Variants in MID2 observed in about 807,000 individuals in gnomAD.
MID2 encodes probable E3 ubiquitin-protein ligase MID2.
Under a neutral mutation model 46.1 loss-of-function variants are expected in MID2, and 13 were observed. The ratio of observed to expected loss-of-function variants is 0.28; its 90% CI spans 0.18 to 0.45. The LOEUF is 0.45. MID2 is among the 20% of genes least tolerant of loss of function. The pLI, the probability that MID2 is intolerant of heterozygous loss-of-function variation, is 1.00. For missense variants in MID2, 431 were observed against 575.4 expected (o/e 0.75, Z 2.57); for synonymous variants, 199 against 212.3 (o/e 0.94, Z 0.55).
rs146040185 is a variant in MID2, at chrX:107,864,714, A to G, written c.816+10010A>G. Among the ~76,000 whole-genome samples the G allele has an allele frequency of 4.4e-3, 494 of 112,191 alleles. 3 individuals carry two copies. The highest frequency in any genetic ancestry group is 0.015 in the African/African-American group (465 of 30,900). ...TATAAATAACAAATATAATACCACA[A>G]TGACTGCAAATATATAGATTTCCTC... On this transcript the variant is annotated intron_variant, in intron 3 of 9. Coordinates refer to ENST00000262843, the MANE Select transcript of MID2 (RefSeq NM_012216.4).
intron 1 of MID2, among the ~76,000 whole-genome samples, chrX:107,837,337 A>G (rs1182354978): frequency 9.0e-6 from 1 of 111,527 alleles, no homozygotes; most frequent in Non-Finnish European, 1.9e-5. Context: ...CATGTGACCA[A>G]CCCAGGTAGC....
At chrX:107,922,386 G>A (rs1055437865) in intron 7 of MID2, among the ~76,000 whole-genome samples, 4 of 112,361 alleles carry the variant, frequency 3.6e-5, no homozygotes, top group Non-Finnish European at 7.5e-5. Context: ...TATGCTGTTC[G>A]TCTGAAATGC....
At chrX:107,845,525 A>ACACTCTCTCTCTCTCTCT (rs1276957001) in intron 2 of MID2, among the ~76,000 whole-genome samples, 8 of 72,944 alleles carry the variant, frequency 1.1e-4, no homozygotes, top group African/African-American at 6.1e-4. Flanking sequence ...ACACACACAC[A>ACACTCTCTCTCTCTCTCT]CTCTCTCTCT....
chrX:107,900,548 AT>A (rs1468012705), intron 3 of MID2, among the ~76,000 whole-genome samples: 9 of 111,240 alleles, frequency 8.1e-5, no homozygotes, highest in African/African-American at 2.3e-4. Flanking sequence ...GTCCCTGTTC[AT>A]CTTCTTAAAC....
intron 3 of MID2, among the ~76,000 whole-genome samples, chrX:107,855,261 T>A (rs1931717197): frequency 8.9e-6 from 1 of 111,976 alleles, no homozygotes; most frequent in Non-Finnish European, 1.9e-5. Context: ...CATATCTATT[T>A]TAAAGTTGTA....
At chrX:107,857,590 TTAA>T (rs780819116) in intron 3 of MID2, among the ~76,000 whole-genome samples, 1 of 112,035 alleles carries the variant, frequency 8.9e-6, no homozygotes, top group Non-Finnish European at 1.9e-5. Context: ...CAACTTCCTC[TTAA>T]TAATAACAAC....
Position 107,927,045 on chromosome X carries a change from A to G in MID2, c.2180A>G (p.Tyr727Cys), listed in dbSNP as rs1282413220. 1 of 1,206,534 alleles carries G rather than the reference A, an allele frequency of 8.3e-7. No homozygotes were observed. Among genetic ancestry groups the G allele is most frequent in the Non-Finnish European group, 1.1e-6 (1 of 892,603 alleles). Reference sequence around the variant, plus strand: ...AACTGCAGGCCTCAAGAATCCCCTTATGTTTCTGGGATGAAAACCTGTCAT... The same window carrying G: ...AACTGCAGGCCTCAAGAATCCCCTTGTGTTTCTGGGATGAAAACCTGTCAT... Reference protein sequence around the residue: ...ECNCRPQESPYVSGMKTCH With the variant: ...ECNCRPQESPCVSGMKTCH Residue 727 changes from tyrosine (Y) to cysteine (C), a missense_variant, in exon 10 of 10, where the codon TAT becomes TGT. Coordinates refer to ENST00000262843, the MANE Select transcript of MID2 (RefSeq NM_012216.4).
chrX:107,918,615 T>G (rs1257503951), intron 7 of MID2, among the ~76,000 whole-genome samples: 1 of 111,235 alleles, frequency 9.0e-6, no homozygotes, highest in Non-Finnish European at 1.9e-5. Flanking sequence ...GGTGGGGAGA[T>G]GAGAGGACAT....
At chrX:107,851,009 G>T (rs1384900387) in intron 2 of MID2, among the ~76,000 whole-genome samples, 1 of 112,024 alleles carries the variant, frequency 8.9e-6, no homozygotes, top group Non-Finnish European at 1.9e-5. Flanking sequence ...TATTTGCTTG[G>T]CGTTCATCAA....
At chrX:107,866,800 A>G (rs1049745929) in intron 3 of MID2, among the ~76,000 whole-genome samples, 5 of 112,326 alleles carry the variant, frequency 4.5e-5, no homozygotes, top group Admixed American at 2.8e-4. Context: ...GGGAGATGGA[A>G]GAAGGCTAAC....
intron 3 of MID2, among the ~76,000 whole-genome samples, chrX:107,903,048 A>G (rs7060291): frequency 0.018 from 2,053 of 111,899 alleles, 48 homozygotes; most frequent in African/African-American, 0.064. Context: ...TCTACGCCTC[A>G]GTTTCCCCGT....
chrX:107,890,810 G>T (rs79836794), intron 3 of MID2, among the ~76,000 whole-genome samples: 1 of 111,450 alleles, frequency 9.0e-6, no homozygotes, highest in Admixed American at 9.5e-5. Flanking sequence ...CTCAAGCCTC[G>T]GCAATGGTGG....
chrX:107,871,102 C>T (rs952639750), intron 3 of MID2, among the ~76,000 whole-genome samples: 7 of 110,807 alleles, frequency 6.3e-5, no homozygotes, highest in African/African-American at 2.0e-4. Flanking sequence ...AACTGTATCC[C>T]GTATATTTTG....
At chrX:107,900,110 G>A (rs1375363242) in intron 3 of MID2, among the ~76,000 whole-genome samples, 7 of 111,327 alleles carry the variant, frequency 6.3e-5, no homozygotes, top group Non-Finnish European at 7.6e-5. Context: ...CCTTTAGTTT[G>A]GAATTGTGCC....
At position 107,826,439 on chromosome X, in the gene MID2, C is replaced by A. The variant is rs1356791844; in HGVS notation, c.4+9C>A. 2.6e-6 allele frequency: 3 copies of A among 1,133,717 alleles called. No individual in the cohort carries two copies. The highest frequency in any genetic ancestry group is 3.5e-6 in the Non-Finnish European group (3 of 857,685). 93.4% of individuals were successfully genotyped at this position (1,133,717 alleles called of 1,213,427 possible). A position where few individuals can be genotyped will look rare whatever the true frequency, so the allele number is the denominator to read the frequency against. ...ACCTGGGAACGCTATGGGTAAAACG[C>A]GCCCCCTCGCCGCGGCCCTGGAGGT... is the stretch of plus-strand genomic sequence containing the variant. On this transcript the variant is annotated intron_variant, in intron 1 of 9. Transcript: ENST00000262843.
intron 3 of MID2, among the ~76,000 whole-genome samples, chrX:107,882,510 AAAAC>A (rs1393410744): frequency 2.7e-5 from 3 of 112,171 alleles, no homozygotes; most frequent in Non-Finnish European, 5.6e-5. Flanking sequence ...TACAAGAAAA[AAAAC>A]AAACAACCCC....
chrX:107,843,911 C>G (rs1931403138), intron 2 of MID2, among the ~76,000 whole-genome samples: 1 of 109,743 alleles, frequency 9.1e-6, no homozygotes, highest in Non-Finnish European at 1.9e-5. Flanking sequence ...ATTCCCCTGG[C>G]CCTGGCCCTG....
intron 3 of MID2, among the ~76,000 whole-genome samples, chrX:107,868,130 A>G (rs961142299): frequency 5.4e-5 from 6 of 111,611 alleles, no homozygotes; most frequent in African/African-American, 2.0e-4. Context: ...TATACATTAT[A>G]TATCAATAAA....
chrX:107,857,481 G>A (rs1315677517), intron 3 of MID2, among the ~76,000 whole-genome samples: 6 of 111,439 alleles, frequency 5.4e-5, no homozygotes, highest in African/African-American at 9.8e-5. Flanking sequence ...CGGTTTCACC[G>A]TGTTGCCCAG....
Sources: gnomAD v4.1 joint callset for allele counts (sites outside exome capture counted in the v4.1 genomes callset) on GRCh38, gnomAD v4.1.1 for gene constraint, MANE v1.5 for transcripts, NCBI Gene and HGNC (gene_info 2026-07-23, HGNC 2026-07-21) for gene names.